RNF139: variants seen among roughly 807,000 people sequenced by gnomAD.
RNF139 encodes E3 ubiquitin-protein ligase RNF139.
RNF139 carries 15 observed loss-of-function variants against 49.5 expected under a neutral mutation model. The observed-to-expected ratio is 0.30, with a 90% CI of 0.20 to 0.47. RNF139 has a LOEUF of 0.47. Ranked by LOEUF, RNF139 falls within the 20% of genes least tolerant of loss-of-function variation. RNF139 has a pLI of 1.00. For missense variants in RNF139, 619 were observed against 806.3 expected (o/e 0.77, Z 2.81); for synonymous variants, 325 against 300.9 (o/e 1.08, Z -0.83).
In RNF139 at chr8:124,474,898, CGCCGCCGCCGCCCTCTCGGCCATCGCT is replaced by C; in HGVS notation, c.-208_-182del. ...GAAACCCAGAGACCTCCTGGGGAGC[CGCCGCCGCCGCCCTCTCGGCCATCGCT>C]GCCTCCGCCGCCTGCTCCACCTCGA... On this transcript the variant is annotated 5_prime_UTR_variant, in exon 1 of 2. Transcript: ENST00000303545. The surrounding 1 kb of genome is among the most constrained non-coding windows in gnomAD (Gnocchi z 4.6). The C allele has an allele frequency of 6.3e-6, 2 of 317,072 alleles. No individual in the cohort carries two copies. The highest frequency in any genetic ancestry group is 5.3e-5 in the East Asian group (1 of 18,944). The allele number at this position is 317,072 out of a possible 1,614,324, so 19.6% of individuals were successfully genotyped here. A position where few individuals can be genotyped will look rare whatever the true frequency, so the allele number is the denominator to read the frequency against.
At position 124,483,006 on chromosome 8, in the gene RNF139, TAAAAA is replaced by T. The variant is rs72492813; in HGVS notation, c.182-2824_182-2820del. ...TATATATATTTAAAAATATATATAT[TAAAAA>T]TATATATATATATTTAAATATATAT... On this transcript the variant is annotated intron_variant, in intron 1 of 1. Coordinates refer to ENST00000303545, the MANE Select transcript of RNF139 (RefSeq NM_007218.4). Among the ~76,000 whole-genome samples, 4 of 82,726 alleles carry T rather than the reference TAAAAA, an allele frequency of 4.8e-5. No homozygotes were observed. The Admixed American group carries it at 5.1e-4, about 10-fold the overall frequency. 54.3% of individuals were successfully genotyped at this position (82,726 alleles called of 152,430 possible). A position where few individuals can be genotyped will look rare whatever the true frequency, so the allele number is the denominator to read the frequency against.
intron 1 of RNF139, among the ~76,000 whole-genome samples, chr8:124,483,674 C>T (rs1194101098): frequency 1.3e-5 from 2 of 152,080 alleles, no homozygotes; most frequent in Non-Finnish European, 2.9e-5. Context: ...AAGTGATCCA[C>T]CCGCCTCAGC....
At chr8:124,475,413 C>T (rs1816297509) in intron 1 of RNF139, 123 bp downstream of exon 1, 3 of 993,424 alleles carry the variant, frequency 3.0e-6, no homozygotes, top group Admixed American at 5.0e-5. Flanking sequence ...CAGTTTCATC[C>T]CTCAAAGGGT....
rs188502947 is a variant in RNF139, at chr8:124,485,697, A to T, written c.182-134A>T. ...AAACCTTTATTACCCTTTAAGCCTTAGTTGTCTTGAGGCTTAATGTTCATA... is the reference window on the plus strand; with the variant it reads ...AAACCTTTATTACCCTTTAAGCCTTTGTTGTCTTGAGGCTTAATGTTCATA... On this transcript the variant is annotated intron_variant, in intron 1 of 1. Coordinates refer to ENST00000303545, the MANE Select transcript of RNF139 (RefSeq NM_007218.4). 17 of 721,262 alleles carry T rather than the reference A, an allele frequency of 2.4e-5. No homozygotes were observed. In the African/African-American group the frequency reaches 2.9e-4, roughly 12 times the overall value. The allele number at this position is 721,262 out of a possible 1,614,324, so 44.7% of individuals were successfully genotyped here. A position where few individuals can be genotyped will look rare whatever the true frequency, so the allele number is the denominator to read the frequency against.
intron 1 of RNF139, among the ~76,000 whole-genome samples, chr8:124,478,367 A>T (rs572558420): frequency 1.3e-5 from 2 of 152,184 alleles, no homozygotes; most frequent in East Asian, 3.9e-4. Context: ...CTATAATCCC[A>T]GCACTTTGGG....
chr8:124,488,605 G>A lies in RNF139; in HGVS notation c.*961G>A, dbSNP rs781298403. On this transcript the variant is annotated 3_prime_UTR_variant, in exon 2 of 2. Coordinates refer to ENST00000303545, the MANE Select transcript of RNF139 (RefSeq NM_007218.4). ...AAGACATATACCAATTATATTCCAG[G>A]AAAAAATACTTTAATAGTATTGTTA... 5 of 1,531,730 alleles carry A rather than the reference G, an allele frequency of 3.3e-6. No individual in the cohort carries two copies. The highest frequency in any genetic ancestry group is 4.5e-6 in the Non-Finnish European group (5 of 1,113,492). The allele number at this position is 1,531,730 out of a possible 1,614,324, so 94.9% of individuals were successfully genotyped here.
rs2131308993 is a variant in RNF139 at position 124,487,695 on chromosome 8, T to C, written c.*51T>C. The C allele has an allele frequency of 2.0e-6, 3 of 1,522,604 alleles. No homozygotes were observed. Among genetic ancestry groups the C allele is most frequent in the African/African-American group, 2.8e-5 (2 of 72,514 alleles). The allele number at this position is 1,522,604 out of a possible 1,614,324, so 94.3% of individuals were successfully genotyped here. On this transcript the variant is annotated 3_prime_UTR_variant, in exon 2 of 2. Transcript: ENST00000303545. ...AGGTATTTGTTTAAAATTCAGTTCATCCAAAATGGAGTAATATCCTTCACC... is the reference window on the plus strand; with the variant it reads ...AGGTATTTGTTTAAAATTCAGTTCACCCAAAATGGAGTAATATCCTTCACC...
chr8:124,485,349 G>A (rs143042034), intron 1 of RNF139, among the ~76,000 whole-genome samples: 2 of 152,318 alleles, frequency 1.3e-5, no homozygotes, highest in Admixed American at 1.3e-4. Flanking sequence ...GGGCAACAGA[G>A]TGAGACTCTT....
chr8:124,475,659 G>T (rs1816302244), intron 1 of RNF139, among the ~76,000 whole-genome samples: 1 of 152,224 alleles, frequency 6.6e-6, no homozygotes, highest in Non-Finnish European at 1.5e-5. Context: ...TGTGACCTTG[G>T]ACTTCTGCCA....
intron 1 of RNF139, among the ~76,000 whole-genome samples, chr8:124,480,722 G>T (rs1308654959): frequency 6.6e-6 from 1 of 152,068 alleles, no homozygotes. Context: ...CAGAAGTGGC[G>T]GCTGGGGGTA....
In RNF139 at chr8:124,475,099, G is replaced by A. The variant is rs772214923; in HGVS notation, c.-11G>A. 1.9e-6 allele frequency: 3 copies of A among 1,566,304 alleles called. No homozygotes were observed. The highest frequency in any genetic ancestry group is 2.6e-6 in the Non-Finnish European group (3 of 1,160,056). ...TGCCCGGCCCACCGAGCCCTGGTGT[G>A]GCAGCGGCTCATGGCGGCCGTGGGG... On this transcript the variant is annotated 5_prime_UTR_variant, in exon 1 of 2. Transcript: ENST00000303545.
intron 1 of RNF139, among the ~76,000 whole-genome samples, chr8:124,484,285 C>A (rs556630017): frequency 6.6e-6 from 1 of 152,008 alleles, no homozygotes; most frequent in African/African-American, 2.4e-5. Context: ...ATGCCAGGAG[C>A]AAGAATGTAG....
chr8:124,486,231 G>A lies in RNF139; in HGVS notation c.582G>A (p.Leu194=). 1 of 1,614,100 alleles carries A rather than the reference G, an allele frequency of 6.2e-7. No individual in the cohort carries two copies. The highest frequency in any genetic ancestry group is 8.5e-7 in the Non-Finnish European group (1 of 1,180,004). ...TCACATTAAATACAGTGTTTGTCCT[G>A]GCAGTGAAACTGAAGTGGTTTTATT... is the stretch of plus-strand genomic sequence containing the variant. ...LILTLNTVFV[L]AVKLKWFYYS... is the part of the protein sequence containing the mutation. Residue 194 remains leucine (L), a synonymous_variant, in exon 2 of 2, where the codon CTG becomes CTA. Coordinates refer to ENST00000303545, the MANE Select transcript of RNF139 (RefSeq NM_007218.4).
In RNF139 at chr8:124,487,571, T is replaced by A. The variant is rs151086041; in HGVS notation, c.1922T>A (p.Val641Asp). The stretch of plus-strand genomic sequence containing the variant: ...GACAGTACAGATTGTGATGATGATG[T>A]TCAAAGAGAAAGAAATGGAGTGATT... ...EDDSTDCDDD[V>D]QRERNGVIQH... Residue 641 changes from valine to aspartate, a missense_variant, in exon 2 of 2, where the codon GTT becomes GAT. Val to Asp is a radical substitution (Grantham distance 152). Transcript: ENST00000303545. 1 of 1,614,080 alleles carries A rather than the reference T, an allele frequency of 6.2e-7. No individual in the cohort carries two copies. The highest frequency in any genetic ancestry group is 1.3e-5 in the African/African-American group (1 of 75,046).
Position 124,486,997 on chromosome 8 carries a change from T to C in RNF139, c.1348T>C (p.Tyr450His), listed in dbSNP as rs1210496355. The change falls in exon 2 of 2, where the codon TAT (tyrosine) becomes CAT (histidine). Residue 450 changes from tyrosine (Y) to histidine (H), a missense_variant. Physicochemically the swap from Tyr to His is moderately conservative, Grantham distance 83. Around this residue, in one of 2 missense-constraint regions of RNF139, gnomAD observed 530 missense variants for 728.9 expected, o/e 0.73. Coordinates refer to ENST00000303545, the MANE Select transcript of RNF139 (RefSeq NM_007218.4). ...VYTLFMIDGY[Y>H]NVLWEKLDDY... ...TACGTTATTCATGATTGATGGCTAC[T>C]ATAATGTCCTCTGGGAAAAGCTTGA... 4 of 1,613,986 alleles carry C rather than the reference T, an allele frequency of 2.5e-6. No homozygotes were observed. Among genetic ancestry groups the C allele is most frequent in the Non-Finnish European group, 3.4e-6 (4 of 1,179,980 alleles).
At chr8:124,482,958 A>ATG (rs1554601149) in intron 1 of RNF139, among the ~76,000 whole-genome samples, 3 of 94,246 alleles carry the variant, frequency 3.2e-5, no homozygotes, top group Non-Finnish European at 4.0e-5. Flanking sequence ...ATATATATAT[A>ATG]ATATATATAT....
Position 124,488,487 on chromosome 8 carries a change from T to C in RNF139, c.*843T>C, listed in dbSNP as rs577768884. The C allele has an allele frequency of 2.1e-5, 13 of 627,036 alleles. 1 individual carries two copies. In the Middle Eastern group the frequency reaches 1.3e-3, roughly 62 times the overall value. The allele number at this position is 627,036 out of a possible 1,614,324, so 38.8% of individuals were successfully genotyped here. On this transcript the variant is annotated 3_prime_UTR_variant, in exon 2 of 2. Transcript: ENST00000303545. ...TGGTGGGGAATGGTGTGTACCGATATATAGTATTTCTTTAGACAACTTGCA... is the reference window on the plus strand; with the variant it reads ...TGGTGGGGAATGGTGTGTACCGATACATAGTATTTCTTTAGACAACTTGCA...
At chr8:124,478,364 C>T (rs914986752) in intron 1 of RNF139, among the ~76,000 whole-genome samples, 1 of 151,872 alleles carries the variant, frequency 6.6e-6, no homozygotes, top group Non-Finnish European at 1.5e-5. Flanking sequence ...CGCCTATAAT[C>T]CCAGCACTTT....
chr8:124,474,992 G>A lies in RNF139; in HGVS notation c.-118G>A. 2 of 571,098 alleles carry A rather than the reference G, an allele frequency of 3.5e-6. No individual in the cohort carries two copies. Among genetic ancestry groups the A allele is most frequent in the Non-Finnish European group, 5.0e-6 (2 of 396,368 alleles). 35.4% of individuals were successfully genotyped at this position (571,098 alleles called of 1,614,324 possible). On this transcript the variant is annotated 5_prime_UTR_variant, in exon 1 of 2. Coordinates refer to ENST00000303545, the MANE Select transcript of RNF139 (RefSeq NM_007218.4). This position sits in a 1 kb window ranked among gnomAD's most constrained non-coding sequence, Gnocchi z 4.6. ...GCGGGGCTGGCCGTGAGAGAGACAG[G>A]AGAGGAAGGAGGGCAGGGGCGGAGT...
Sources: gnomAD v4.1 joint callset for allele counts (sites outside exome capture counted in the v4.1 genomes callset) on GRCh38, gnomAD v4.1.1 for gene constraint, gnomAD v4.1.1 regional missense constraint, Gnocchi (gnomAD v3.1) non-coding constraint, MANE v1.5 for transcripts, NCBI Gene and HGNC (gene_info 2026-07-23, HGNC 2026-07-21) for gene names.